The following SLC9D1 variants were observed in gnomAD, a reference collection of about 807,000 sequenced individuals.
SLC9D1 encodes putative LAG1-interacting protein.
the SLC9D1 span, among the ~76,000 whole-genome samples, chr13:113,512,967 G>A: frequency 6.6e-6 from 1 of 152,062 alleles, no homozygotes; most frequent in African/African-American, 2.4e-5. Flanking sequence ...CCCAGGGGCC[G>A]AGACTGGAAA....
chr13:113,545,566 C>G, the SLC9D1 span, among the ~76,000 whole-genome samples: 3 of 152,332 alleles, frequency 2.0e-5, no homozygotes, highest in East Asian at 3.9e-4. Context: ...TCACTCCCCC[C>G]ACCCCCACTC....
At chr13:113,496,225 G>A in the SLC9D1 span, among the ~76,000 whole-genome samples, 6 of 152,204 alleles carry the variant, frequency 3.9e-5, no homozygotes, top group African/African-American at 9.6e-5. Flanking sequence ...AATCTCTCAT[G>A]TGAGGGAGAA....
the SLC9D1 span, among the ~76,000 whole-genome samples, chr13:113,512,539 G>A: frequency 6.6e-6 from 1 of 151,856 alleles, no homozygotes; most frequent in Admixed American, 6.6e-5. Flanking sequence ...AGTAGATGGA[G>A]AGGGTCAGTG....
the SLC9D1 span, among the ~76,000 whole-genome samples, chr13:113,542,715 C>T: frequency 6.6e-6 from 1 of 152,168 alleles, no homozygotes; most frequent in Admixed American, 6.5e-5. Flanking sequence ...CGGGCCACAT[C>T]CCTGGCAGCT....
chr13:113,516,610 C>G, the SLC9D1 span, among the ~76,000 whole-genome samples: 1 of 151,820 alleles, frequency 6.6e-6, no homozygotes, highest in Non-Finnish European at 1.5e-5. Flanking sequence ...TTGTATATAG[C>G]CCAAACTTAA....
chr13:113,494,731 C>A, the SLC9D1 span, among the ~76,000 whole-genome samples: 7,198 of 152,080 alleles, frequency 0.047, 512 homozygotes, highest in African/African-American at 0.15. Flanking sequence ...AATGTGGCAA[C>A]ATTTCAAATG....
chr13:113,526,770 A>G, the SLC9D1 span, among the ~76,000 whole-genome samples: 10 of 152,234 alleles, frequency 6.6e-5, no homozygotes. Context: ...CGTGGTTTAC[A>G]GTAGTGTCCA....
the SLC9D1 span, chr13:113,548,320 G>A: frequency 6.2e-7 from 1 of 1,613,956 alleles, no homozygotes; most frequent in Non-Finnish European, 8.5e-7. Context: ...TGGCGGCGCT[G>A]GTCCTGTCTC....
chr13:113,543,790 A>G, the SLC9D1 span, among the ~76,000 whole-genome samples: 1 of 151,814 alleles, frequency 6.6e-6, no homozygotes, highest in Non-Finnish European at 1.5e-5. Context: ...TATGTGATTT[A>G]CACAGACATG....
chr13:113,517,852 T>A, the SLC9D1 span, among the ~76,000 whole-genome samples: 2 of 150,322 alleles, frequency 1.3e-5, no homozygotes, highest in Non-Finnish European at 1.5e-5. Flanking sequence ...TTTACAGACC[T>A]CCTTGTGGGG....
chr13:113,529,853 ACACAC>A, the SLC9D1 span: 1 of 152,346 alleles, frequency 6.6e-6, no homozygotes, highest in East Asian at 1.9e-4. Context: ...CCACAGAGTT[ACACAC>A]TCAGAAATGG....
the SLC9D1 span, chr13:113,539,324 G>C: frequency 1.2e-6 from 2 of 1,603,924 alleles, no homozygotes; most frequent in Admixed American, 1.7e-5. The surrounding 1 kb of genome is among the most constrained non-coding windows in gnomAD (Gnocchi z 4.8). Context: ...GCACTGTGGG[G>C]TCTCATGTAA....
the SLC9D1 span, among the ~76,000 whole-genome samples, chr13:113,532,753 T>C: frequency 2.4e-4 from 35 of 143,984 alleles, no homozygotes; most frequent in East Asian, 8.5e-4. Context: ...GGCCCTGCAG[T>C]GAGCTCTGAA....
At chr13:113,541,708 T>C in the SLC9D1 span, among the ~76,000 whole-genome samples, 1 of 42,636 alleles carries the variant, frequency 2.3e-5, no homozygotes, top group East Asian at 9.1e-4. Flanking sequence ...ACTGCCATGC[T>C]TTATTACCGC....
chr13:113,517,567 A>G, the SLC9D1 span, among the ~76,000 whole-genome samples: 2 of 152,212 alleles, frequency 1.3e-5, no homozygotes, highest in Non-Finnish European at 2.9e-5. Flanking sequence ...AGATGAATGG[A>G]TAAACTGTGG....
chr13:113,510,263 C>T, the SLC9D1 span: 10 of 1,613,952 alleles, frequency 6.2e-6, no homozygotes, highest in East Asian at 2.2e-5. Context: ...TTACAAGGGC[C>T]GTGTTACATG....
At chr13:113,547,387 C>T in the SLC9D1 span, 2 of 1,609,298 alleles carry the variant, frequency 1.2e-6, no homozygotes, top group African/African-American at 2.7e-5. Flanking sequence ...AAGGTATGGA[C>T]TGGAAGGGTC....
the SLC9D1 span, chr13:113,498,404 T>C: frequency 2.5e-6 from 4 of 1,579,868 alleles, no homozygotes; most frequent in South Asian, 3.6e-5. Context: ...CCCTTAAAAA[T>C]ATGCAACATC....
At chr13:113,503,345 TTGTGTGTGTGTGTGTG>T in the SLC9D1 span, 48 of 476,192 alleles carry the variant, frequency 1.0e-4, no homozygotes, top group Non-Finnish European at 1.5e-4. Context: ...CACTGTGTGA[TTGTGTGTGTGTGTGTG>T]TGTGTGTGTG....
Sources: gnomAD v4.1 joint callset for allele counts (sites outside exome capture counted in the v4.1 genomes callset) on GRCh38, gnomAD v4.1.1 for gene constraint, Gnocchi (gnomAD v3.1) non-coding constraint, MANE v1.5 for transcripts, NCBI Gene and HGNC (gene_info 2026-07-23, HGNC 2026-07-21) for gene names.